SRGAP3: variants seen among roughly 807,000 people sequenced by gnomAD.
SRGAP3 encodes SLIT-ROBO Rho GTPase activating protein 3, also known as SLIT-ROBO Rho GTPase-activating protein 3.
In SRGAP3, 39 loss-of-function variants were observed where a neutral mutation model predicts 121.1. The observed-to-expected ratio is 0.32, with a 90% CI of 0.25 to 0.42. The LOEUF (loss-of-function observed/expected upper bound fraction) is 0.42, where lower values mean the gene tolerates loss of function less well. Among genes scored for constraint, SRGAP3 ranks in the 10% least tolerant of loss-of-function variants. The pLI is 1.00. For missense variants in SRGAP3, 1,213 were observed against 1,470.6 expected, an observed-to-expected ratio of 0.82 and a Z score of 2.86; for synonymous variants, 601 against 570.0, an observed-to-expected ratio of 1.05 and a Z score of -0.77.
chr3:9,035,151 C>A (rs772034341), intron 11 of SRGAP3: 1 of 152,114 alleles, frequency 6.6e-6, no homozygotes, highest in Non-Finnish European at 1.5e-5. Context: ...TATCATAGAA[C>A]ATCCAGAAGT....
chr3:9,225,965 A>T (rs1207613845), intron 1 of SRGAP3, among the ~76,000 whole-genome samples: 1 of 152,238 alleles, frequency 6.6e-6, no homozygotes, highest in Non-Finnish European at 1.5e-5. Flanking sequence ...GTTGGCATCT[A>T]ACTCACATTT....
intron 3 of SRGAP3, among the ~76,000 whole-genome samples, chr3:9,317,568 A>G (rs1278724419): frequency 6.6e-6 from 1 of 152,220 alleles, no homozygotes; most frequent in Non-Finnish European, 1.5e-5. Context: ...CCCAAAGCTA[A>G]AGCTGGTCAA....
chr3:9,056,826 C>T (rs1945845386), intron 7 of SRGAP3, among the ~76,000 whole-genome samples: 1 of 152,120 alleles, frequency 6.6e-6, no homozygotes, highest in Non-Finnish European at 1.5e-5. Context: ...CGTCCCCCAG[C>T]AATTGACTGG....
At chr3:9,035,580 A>T (rs1944707434) in intron 11 of SRGAP3, 1 of 183,100 alleles carries the variant, frequency 5.5e-6, no homozygotes, top group African/African-American at 2.4e-5. Flanking sequence ...TAAGCCTTCC[A>T]TCTCTTCTGC....
chr3:9,287,135 G>A (rs1015023098), intron 3 of SRGAP3, among the ~76,000 whole-genome samples: 1 of 151,782 alleles, frequency 6.6e-6, no homozygotes, highest in Non-Finnish European at 1.5e-5. Flanking sequence ...GGGACTACAG[G>A]CAGGTGCCAC....
intron 10 of SRGAP3, among the ~76,000 whole-genome samples, chr3:9,044,501 C>A (rs146774978): frequency 6.6e-6 from 1 of 152,112 alleles, no homozygotes; most frequent in Non-Finnish European, 1.5e-5. Flanking sequence ...AAATTTAAAA[C>A]GTATGAATTG....
At chr3:9,200,492 C>T (rs2324707) in intron 1 of SRGAP3, among the ~76,000 whole-genome samples, 43,175 of 152,016 alleles carry the variant, frequency 0.28, 7,211 homozygotes, top group African/African-American at 0.48. Context: ...CCTACAAAAG[C>T]ACCTGCAAAA....
chr3:9,229,279 T>C (rs1953113803), intron 1 of SRGAP3, among the ~76,000 whole-genome samples: 1 of 152,122 alleles, frequency 6.6e-6, no homozygotes, highest in South Asian at 2.1e-4. Context: ...TTTGACATTC[T>C]TCTTTCTGTG....
chr3:9,240,891 G>A (rs369486757), intron 1 of SRGAP3, among the ~76,000 whole-genome samples: 3 of 152,186 alleles, frequency 2.0e-5, no homozygotes, highest in East Asian at 1.9e-4. Flanking sequence ...GAAGGGATCT[G>A]ACACACCGCG....
chr3:9,006,323 C>G (rs1943069577), intron 18 of SRGAP3, among the ~76,000 whole-genome samples: 1 of 149,690 alleles, frequency 6.7e-6, no homozygotes, highest in Admixed American at 6.7e-5. Flanking sequence ...TCGCTTGAAC[C>G]AGGGAGTCGG....
At chr3:9,030,085 A>G (rs1009065985) in intron 12 of SRGAP3, among the ~76,000 whole-genome samples, 2 of 152,156 alleles carry the variant, frequency 1.3e-5, no homozygotes, top group Non-Finnish European at 2.9e-5. Flanking sequence ...CCAAGAGGTC[A>G]AGGCTGCAGT....
intron 1 of SRGAP3, among the ~76,000 whole-genome samples, chr3:9,244,754 T>A (rs728330): frequency 0.1 from 15,547 of 152,208 alleles, 884 homozygotes; most frequent in East Asian, 0.21. Context: ...CCCGGCAAGG[T>A]TCTTAAACAG....
chr3:9,175,530 C>T (rs1023321703), intron 1 of SRGAP3, among the ~76,000 whole-genome samples: 11 of 152,160 alleles, frequency 7.2e-5, no homozygotes, highest in African/African-American at 2.2e-4. Flanking sequence ...GGACCCAGCA[C>T]GGGGAGCCCT....
At chr3:9,197,793 G>A (rs1951958447) in intron 1 of SRGAP3, among the ~76,000 whole-genome samples, 1 of 152,174 alleles carries the variant, frequency 6.6e-6, no homozygotes, top group Non-Finnish European at 1.5e-5. Flanking sequence ...TCTAAAAGAG[G>A]TGTCATAATC....
At chr3:9,300,945 C>T (rs1955044525) in intron 3 of SRGAP3, among the ~76,000 whole-genome samples, 1 of 152,096 alleles carries the variant, frequency 6.6e-6, no homozygotes, top group Admixed American at 6.5e-5. Context: ...AAAGAGACAC[C>T]TGACTGAATG....
intron 1 of SRGAP3, among the ~76,000 whole-genome samples, chr3:9,362,655 G>A (rs1192330248): frequency 6.6e-6 from 1 of 152,012 alleles, no homozygotes; most frequent in African/African-American, 2.4e-5. Flanking sequence ...AGTAAACAGT[G>A]CTAAAATAGT....
At chr3:9,176,083 G>T (rs1446579793) in intron 1 of SRGAP3, among the ~76,000 whole-genome samples, 1 of 152,032 alleles carries the variant, frequency 6.6e-6, no homozygotes. Context: ...CACCATGCCC[G>T]GCTAATTTTT....
Position 9,162,655 on chromosome 3 carries a change from C to T in SRGAP3, c.68-37738G>A, listed in dbSNP as rs548606632. On this transcript the variant is annotated intron_variant, in intron 1 of 21. Coordinates refer to ENST00000383836, the MANE Select transcript of SRGAP3 (RefSeq NM_014850.4). ...ACCTGGCAGGTGGGGGCACACACAG[C>T]GTGGGGAGCTGGCCATGGGTGAAGC... is the stretch of plus-strand genomic sequence containing the variant. Among the ~76,000 whole-genome samples, 6 of 152,314 alleles carry T rather than the reference C, an allele frequency of 3.9e-5. No homozygotes were observed. In the South Asian group the frequency reaches 8.3e-4, roughly 21 times the overall value.
intron 1 of SRGAP3, among the ~76,000 whole-genome samples, chr3:9,353,037 C>A (rs1330206854): frequency 6.6e-6 from 1 of 152,178 alleles, no homozygotes; most frequent in Admixed American, 6.5e-5. Flanking sequence ...GCTGATCTTG[C>A]TGGTGATTCT....
Sources: gnomAD v4.1 joint callset for allele counts (sites outside exome capture counted in the v4.1 genomes callset) on GRCh38, gnomAD v4.1.1 for gene constraint, MANE v1.5 for transcripts, NCBI Gene and HGNC (gene_info 2026-07-23, HGNC 2026-07-21) for gene names.